NSD1: variants seen among roughly 807,000 people sequenced by gnomAD.
NSD1 encodes the protein nuclear receptor binding SET domain protein 1, also known as histone-lysine N-methyltransferase, H3 lysine-36 specific.
Under a neutral mutation model 242.7 loss-of-function variants are expected in NSD1, and 26 were observed. The observed-to-expected ratio is 0.11, with a 90% CI of 0.08 to 0.15. The LOEUF (loss-of-function observed/expected upper bound fraction) is 0.15, where lower values mean the gene tolerates loss of function less well. NSD1 is among the 10% of genes least tolerant of loss of function. The probability of loss-of-function intolerance (pLI) is 1.00; values close to 1 mark genes in which losing one functional copy is unlikely to be tolerated. For synonymous variants in NSD1, 1,106 were observed against 1,178.1 expected (o/e 0.94, Z 1.25); for missense variants, 2,495 against 3,272.8 (o/e 0.76, Z 5.80).
At chr5:177,230,776 G>A (rs934283501) in intron 5 of NSD1, among the ~76,000 whole-genome samples, 2 of 150,000 alleles carry the variant, frequency 1.3e-5, no homozygotes, top group South Asian at 2.1e-4. Context: ...GCTGTGAGCC[G>A]AGATCACACC....
At chr5:177,222,381 G>A (rs1764308535) in intron 5 of NSD1, among the ~76,000 whole-genome samples, 1 of 152,118 alleles carries the variant, frequency 6.6e-6, no homozygotes, top group African/African-American at 2.4e-5. Context: ...TAGAATTCCT[G>A]GGTCATTTGG....
intron 2 of NSD1, among the ~76,000 whole-genome samples, chr5:177,175,721 T>C (rs1232106959): frequency 6.6e-6 from 1 of 152,094 alleles, no homozygotes; most frequent in Non-Finnish European, 1.5e-5. Flanking sequence ...GTCATATCAT[T>C]TAAGCCATAT....
At chr5:177,201,802 G>T (rs1379923337) in intron 3 of NSD1, among the ~76,000 whole-genome samples, 1 of 151,246 alleles carries the variant, frequency 6.6e-6, no homozygotes, top group East Asian at 2.0e-4. Flanking sequence ...CAGGTGATCC[G>T]CCTGCCTCAG....
At chr5:177,153,208 G>GTTTT (rs575455880) in intron 2 of NSD1, among the ~76,000 whole-genome samples, 1 of 135,840 alleles carries the variant, frequency 7.4e-6, no homozygotes, top group African/African-American at 2.7e-5. Flanking sequence ...TTCTTTTTCT[G>GTTTT]TTTTTTTTTT....
intron 2 of NSD1, among the ~76,000 whole-genome samples, chr5:177,177,628 T>G (rs1760316588): frequency 6.6e-6 from 1 of 152,062 alleles, no homozygotes; most frequent in African/African-American, 2.4e-5. Flanking sequence ...CCAGCCTGGG[T>G]GACAGATTCA....
chr5:177,142,434 C>G (rs1243565168), intron 2 of NSD1, among the ~76,000 whole-genome samples: 1 of 152,098 alleles, frequency 6.6e-6, no homozygotes, highest in Admixed American at 6.6e-5. Context: ...GTATGCAGTA[C>G]TTTGGGAGTG....
upstream of NSD1, among the ~76,000 whole-genome samples, chr5:177,131,832 A>G (rs903962359): frequency 6.6e-6 from 1 of 152,258 alleles, no homozygotes; most frequent in Non-Finnish European, 1.5e-5. Context: ...ATCTAATCAC[A>G]GAAGGCTTTC....
intron 2 of NSD1, among the ~76,000 whole-genome samples, chr5:177,179,550 A>C (rs1217828716): frequency 6.6e-6 from 1 of 152,196 alleles, no homozygotes; most frequent in Non-Finnish European, 1.5e-5. Context: ...TTCCAAATAA[A>C]TCATACACAG....
At chr5:177,152,547 G>A (rs1032961223) in intron 2 of NSD1, among the ~76,000 whole-genome samples, 1 of 145,580 alleles carries the variant, frequency 6.9e-6, no homozygotes, top group African/African-American at 2.5e-5. Flanking sequence ...TCTGGCTCCC[G>A]GGTTCACGCC....
At chr5:177,252,536 G>GTTTTTTTTTTTTTTT (rs1362275540) in intron 12 of NSD1, among the ~76,000 whole-genome samples, 1 of 98,996 alleles carries the variant, frequency 1.0e-5, no homozygotes, top group African/African-American at 4.3e-5. Context: ...AAAGTAAAGT[G>GTTTTTTTTTTTTTTT]TTCTTTTTTT....
intron 16 of NSD1, among the ~76,000 whole-genome samples, chr5:177,271,996 C>T (rs977844260): frequency 1.3e-5 from 2 of 151,898 alleles, no homozygotes; most frequent in African/African-American, 2.4e-5. Context: ...TGGTGATGTG[C>T]GCCTGTAATC....
At chr5:177,273,805 G>C (rs1758132501) in intron 17 of NSD1, 21 bp downstream of exon 17, 1 of 1,507,096 alleles carries the variant, frequency 6.6e-7, no homozygotes, top group Non-Finnish European at 9.2e-7. Context: ...AATCTTGGGG[G>C]ACCTTCTCTA....
Position 177,269,326 on chromosome 5 carries a change from T to C in NSD1, c.5304-276T>C, listed in dbSNP as rs1757774666. Among the ~76,000 whole-genome samples the C allele has an allele frequency of 6.6e-6, 1 of 152,238 alleles. No homozygotes were observed. Among genetic ancestry groups the C allele is most frequent in the Admixed American group, 6.5e-5 (1 of 15,282 alleles). On this transcript the variant is annotated intron_variant, in intron 15 of 22. Coordinates refer to ENST00000439151, the MANE Select transcript of NSD1 (RefSeq NM_022455.5). This position sits in a 1 kb window ranked among gnomAD's most constrained non-coding sequence, Gnocchi z 5.1. ...TCAGTGAATGTTATTGTCATAACTC[T>C]CTGTTCCTATATCATTATTTCCTTT...
Position 177,269,947 on chromosome 5 carries a change from T to G in NSD1, c.5509+140T>G. ...CATTATCTGGCTGCAAATACAGTAT[T>G]TTGCAAGGAAGTTGACCCATGTAAC... On this transcript the variant is annotated intron_variant, in intron 16 of 22. Transcript: ENST00000439151. This position sits in a 1 kb window ranked among gnomAD's most constrained non-coding sequence, Gnocchi z 5.1. 1 of 696,582 alleles carries G rather than the reference T, an allele frequency of 1.4e-6. No individual in the cohort carries two copies. The highest frequency in any genetic ancestry group is 2.4e-6 in the Non-Finnish European group (1 of 422,608). 43.2% of individuals were successfully genotyped at this position (696,582 alleles called of 1,614,324 possible). A position where few individuals can be genotyped will look rare whatever the true frequency, so the allele number is the denominator to read the frequency against.
At position 177,280,792 on chromosome 5, in the gene NSD1, A is replaced by G. The variant is rs1183666065; in HGVS notation, c.5850A>G (p.Leu1950=). 1.2e-6 allele frequency: 2 copies of G among 1,614,126 alleles called. No individual in the cohort carries two copies. Among genetic ancestry groups the G allele is most frequent in the African/African-American group, 2.7e-5 (2 of 74,950 alleles). Residue 1950 remains leucine (L), a synonymous_variant, in exon 18 of 23, where the codon TTA becomes TTG. Transcript: ENST00000439151. ...CAGAGGTTGAAATTTTCCGCACATT[A>G]CAGCGGGGTTGGGGTCTACGGACAA... is the stretch of plus-strand genomic sequence containing the variant. ...QYPEVEIFRT[L]QRGWGLRTKT... is the part of the protein sequence containing the mutation.
intron 2 of NSD1, among the ~76,000 whole-genome samples, chr5:177,170,483 T>TG (rs1254239252): frequency 6.6e-6 from 1 of 152,116 alleles, no homozygotes; most frequent in Non-Finnish European, 1.5e-5. Context: ...CCTGAGTAGC[T>TG]GGGACTACAG....
chr5:177,211,867 T>G lies in NSD1; in HGVS notation c.3468T>G (p.Pro1156=), dbSNP rs373796535. The G allele has an allele frequency of 6.2e-7, 1 of 1,612,632 alleles. No individual in the cohort carries two copies. The highest frequency in any genetic ancestry group is 1.7e-5 in the Admixed American group (1 of 59,790). ...DELNGVNQVV[P]KKRWQRLNQR... is the part of the protein sequence containing the mutation. ...TCAATGGTGTAAATCAAGTGGTGCCTAAAAAGCGGTGGCAGCGTTTAAACC... is the reference window on the plus strand; with the variant it reads ...TCAATGGTGTAAATCAAGTGGTGCCGAAAAAGCGGTGGCAGCGTTTAAACC... Residue 1156 remains proline (P), a synonymous_variant, in exon 5 of 23, where the codon CCT becomes CCG. Transcript: ENST00000439151.
chr5:177,238,190 TACA>T lies in NSD1; in HGVS notation c.3922-42_3922-40del. ...GTGTTATTCTTTTTGACACTTAAAT[TACA>T]ACAATTTTGGCCTGTGGACTCTATT... On this transcript the variant is annotated intron_variant, in intron 6 of 22. Coordinates refer to ENST00000439151, the MANE Select transcript of NSD1 (RefSeq NM_022455.5). The surrounding 1 kb of genome is among the most constrained non-coding windows in gnomAD (Gnocchi z 4.6). The T allele has an allele frequency of 6.2e-7, 1 of 1,606,304 alleles. No individual in the cohort carries two copies. The highest frequency in any genetic ancestry group is 1.1e-5 in the South Asian group (1 of 90,872).
At chr5:177,272,124 C>G (rs1354582792) in intron 16 of NSD1, among the ~76,000 whole-genome samples, 1 of 150,222 alleles carries the variant, frequency 6.7e-6, no homozygotes, top group Non-Finnish European at 1.5e-5. Context: ...CCACCCACCC[C>G]TCCCCGCCCG....
Sources: gnomAD v4.1 joint callset for allele counts (sites outside exome capture counted in the v4.1 genomes callset) on GRCh38, gnomAD v4.1.1 for gene constraint, Gnocchi (gnomAD v3.1) non-coding constraint, MANE v1.5 for transcripts, NCBI Gene and HGNC (gene_info 2026-07-23, HGNC 2026-07-21) for gene names.